Variants in FBXL13 observed in about 807,000 individuals in gnomAD.
FBXL13 encodes the protein F-box and leucine-rich repeat protein 13.
FBXL13 carries 67 observed loss-of-function variants against 83.6 expected under a neutral mutation model. The ratio of observed to expected loss-of-function variants is 0.80; its 90% CI spans 0.66 to 0.98. The LOEUF (loss-of-function observed/expected upper bound fraction) is 0.98. Ranked by LOEUF, FBXL13 falls within the 50% of genes least tolerant of loss-of-function variation. FBXL13 has a pLI of 0.00. For missense variants in FBXL13, 822 were observed against 866.5 expected, an observed-to-expected ratio of 0.95 and a Z score of 0.64; for synonymous variants, 272 against 299.5, an observed-to-expected ratio of 0.91 and a Z score of 0.95.
chr7:103,032,260 TA>T (rs1339985810), intron 2 of FBXL13, among the ~76,000 whole-genome samples: 13 of 152,136 alleles, frequency 8.5e-5, no homozygotes, highest in Non-Finnish European at 1.6e-4. Flanking sequence ...TACAGAGAAA[TA>T]AAATAAACAC....
chr7:103,001,362 C>A (rs1364184727), intron 6 of FBXL13, among the ~76,000 whole-genome samples: 3 of 152,288 alleles, frequency 2.0e-5, no homozygotes, highest in South Asian at 4.1e-4. Flanking sequence ...AAACAAAAAT[C>A]TATTCAGCCA....
At chr7:102,856,184 A>T (rs1306447985) in intron 16 of FBXL13, among the ~76,000 whole-genome samples, 3 of 152,252 alleles carry the variant, frequency 2.0e-5, no homozygotes, top group Admixed American at 1.3e-4. Flanking sequence ...GGAACACATT[A>T]TGTTTTCTGC....
chr7:102,891,313 T>C (rs1295218768), intron 11 of FBXL13, among the ~76,000 whole-genome samples: 3 of 152,218 alleles, frequency 2.0e-5, no homozygotes, highest in African/African-American at 4.8e-5. Flanking sequence ...TTCTTGCTGG[T>C]AGTCCTCCCT....
intron 6 of FBXL13, among the ~76,000 whole-genome samples, chr7:103,011,865 AT>A (rs903806570): frequency 6.6e-6 from 1 of 152,216 alleles, no homozygotes; most frequent in African/African-American, 2.4e-5. Context: ...GACCAAATCT[AT>A]GACTCACTGG....
intron 6 of FBXL13, among the ~76,000 whole-genome samples, chr7:102,972,890 T>C (rs1337904498): frequency 6.6e-6 from 1 of 152,110 alleles, no homozygotes; most frequent in Non-Finnish European, 1.5e-5. Flanking sequence ...AATATTAATG[T>C]AGCTATCTAT....
At chr7:103,010,814 C>T (rs1791529093) in intron 6 of FBXL13, among the ~76,000 whole-genome samples, 1 of 152,174 alleles carries the variant, frequency 6.6e-6, no homozygotes, top group Non-Finnish European at 1.5e-5. Context: ...AAGATTAGGG[C>T]TGACCTGGCA....
intron 19 of FBXL13, among the ~76,000 whole-genome samples, chr7:102,819,378 A>G (rs1472440470): frequency 6.6e-6 from 1 of 152,126 alleles, no homozygotes; most frequent in Admixed American, 6.5e-5. Context: ...TGGGGTTGGT[A>G]GAATGCCAGC....
chr7:102,928,753 A>G (rs1373564906), intron 9 of FBXL13, among the ~76,000 whole-genome samples: 3 of 152,224 alleles, frequency 2.0e-5, no homozygotes, highest in African/African-American at 4.8e-5. Flanking sequence ...CATCCACAGA[A>G]AGAGTAAATC....
At chr7:103,028,712 G>A (rs780693842) in exon 4 of FBXL13, 59 of 1,600,100 alleles carry the variant, frequency 3.7e-5, no homozygotes, top group South Asian at 1.1e-5. Flanking sequence ...CAGCCAGGAC[G>A]ACATTTTCAT....
intron 6 of FBXL13, among the ~76,000 whole-genome samples, chr7:102,981,466 G>C (rs1828221603): frequency 6.6e-6 from 1 of 152,002 alleles, no homozygotes; most frequent in Non-Finnish European, 1.5e-5. Flanking sequence ...CCACAGACTT[G>C]TTCTCAAAGA....
At chr7:103,069,278 C>T (rs946306870) in intron 1 of FBXL13, among the ~76,000 whole-genome samples, 4 of 152,236 alleles carry the variant, frequency 2.6e-5, no homozygotes, top group Non-Finnish European at 5.9e-5. Flanking sequence ...CTGGTTGCCG[C>T]CCCATCTGGA....
chr7:102,958,485 G>GA (rs1353299551), intron 8 of FBXL13, among the ~76,000 whole-genome samples: 5 of 150,796 alleles, frequency 3.3e-5, no homozygotes, highest in Admixed American at 6.6e-5. Flanking sequence ...GCATACCTAT[G>GA]TAACAAACCT....
At chr7:102,992,009 A>C (rs1011359951) in intron 6 of FBXL13, among the ~76,000 whole-genome samples, 2 of 152,084 alleles carry the variant, frequency 1.3e-5, no homozygotes, top group African/African-American at 4.8e-5. Flanking sequence ...TATGGGTCCC[A>C]GAATTCTGTT....
At chr7:102,895,702 C>T (rs1390894736) in intron 11 of FBXL13, among the ~76,000 whole-genome samples, 1 of 151,840 alleles carries the variant, frequency 6.6e-6, no homozygotes, top group African/African-American at 2.4e-5. Flanking sequence ...GTTGGAGTTA[C>T]ACATAAACAG....
chr7:102,890,624 G>C (rs1001133794), intron 11 of FBXL13, among the ~76,000 whole-genome samples: 4 of 152,194 alleles, frequency 2.6e-5, no homozygotes, highest in African/African-American at 9.7e-5. Context: ...ACTTACTAAA[G>C]ACCAAAGTGC....
chr7:102,875,005 T>G (rs1180535262), intron 16 of FBXL13, among the ~76,000 whole-genome samples: 3 of 152,166 alleles, frequency 2.0e-5, no homozygotes, highest in African/African-American at 7.2e-5. Flanking sequence ...CAACAAATAT[T>G]CCCCCAGGCA....
intron 8 of FBXL13, chr7:102,944,592 T>C (rs1822127077): frequency 2.5e-6 from 4 of 1,605,678 alleles, no homozygotes; most frequent in Non-Finnish European, 3.4e-6. Context: ...GCGTAATAAT[T>C]ACTATAGTAG....
chr7:103,003,758 G>A (rs1790687219), intron 6 of FBXL13, among the ~76,000 whole-genome samples: 1 of 151,878 alleles, frequency 6.6e-6, no homozygotes, highest in Non-Finnish European at 1.5e-5. Flanking sequence ...TTTTTATTTA[G>A]TAGAGATGGG....
intron 10 of FBXL13, among the ~76,000 whole-genome samples, chr7:102,918,151 A>G (rs1816279552): frequency 6.6e-6 from 1 of 152,246 alleles, no homozygotes; most frequent in African/African-American, 2.4e-5. Context: ...ACATTTTTGC[A>G]TACCCAAGCA....
Sources: allele counts gnomAD v4.1 joint callset (sites outside exome capture counted in the v4.1 genomes callset), GRCh38; gene constraint gnomAD v4.1.1; transcripts MANE v1.5; gene names NCBI Gene and HGNC (gene_info 2026-07-23, HGNC 2026-07-21).